COL17A1: variants seen among roughly 807,000 people sequenced by gnomAD.
The protein encoded by COL17A1 is collagen type XVII alpha 1 chain.
A neutral mutation model predicts 218.4 loss-of-function variants in COL17A1; 181 were observed. The ratio of observed to expected loss-of-function variants is 0.83; its 90% CI spans 0.73 to 0.94. The LOEUF is 0.94. COL17A1 is among the 40% of genes least tolerant of loss of function. The probability of loss-of-function intolerance (pLI) is 0.00; values close to 1 mark genes in which losing one functional copy is unlikely to be tolerated. For missense variants in COL17A1, 1,924 were observed against 1,945.9 expected (o/e 0.99, Z 0.21); for synonymous variants, 721 against 731.0 (o/e 0.99, Z 0.22).
In COL17A1 at chr10:104,034,650, A is replaced by C; in HGVS notation, c.3737T>G (p.Phe1246Cys). 6.2e-7 allele frequency: 1 copy of C among 1,610,328 alleles called. No homozygotes were observed. Among genetic ancestry groups the C allele is most frequent in the East Asian group, 2.2e-5 (1 of 44,718 alleles). Reference protein sequence around the residue: ...ATYAAENSDSFRSELISYLTS... With the variant: ...ATYAAENSDSCRSELISYLTS... ...GAGGTAGCTGATCAGCTCGCTCCGG[A>C]AGCTGTCGCTGTTTTCAGCTGCATA... Residue 1246 changes from phenylalanine to cysteine, a missense_variant, in exon 51 of 56, where the codon TTC (phenylalanine) becomes TGC (cysteine). Coordinates refer to ENST00000648076, the MANE Select transcript of COL17A1 (RefSeq NM_000494.4).
chr10:104,077,729 GTTT>G (rs2086724383), intron 3 of COL17A1, among the ~76,000 whole-genome samples: 1 of 79,348 alleles, frequency 1.3e-5, no homozygotes, highest in Non-Finnish European at 3.1e-5. Context: ...GTTTTGTTTT[GTTT>G]TGTTTTATAC....
intron 1 of COL17A1, among the ~76,000 whole-genome samples, chr10:104,081,846 C>T (rs2086767342): frequency 6.6e-6 from 1 of 152,156 alleles, no homozygotes; most frequent in South Asian, 2.1e-4. Flanking sequence ...CTTTTAACAT[C>T]AGAAGGAAAA....
In COL17A1 at chr10:104,034,683, A is replaced by C; in HGVS notation, c.3704T>G (p.Leu1235Arg). The C allele has an allele frequency of 6.2e-7, 1 of 1,610,346 alleles. No individual in the cohort carries two copies. Residue 1235 changes from leucine (L) to arginine (R), a missense_variant, in exon 51 of 56, where the codon CTG (leucine) becomes CGG (arginine). Physicochemically the swap from Leu to Arg is moderately radical, Grantham distance 102. Coordinates refer to ENST00000648076, the MANE Select transcript of COL17A1 (RefSeq NM_000494.4). ...PRGPPGVSGA[L>R]ATYAAENSDS... ...GCTGTTTTCAGCTGCATAGGTTGCC[A>C]GGGCTCCTGAGACACCCGGGGGCCC... is the stretch of plus-strand genomic sequence containing the variant.
rs1844692132 is a variant in COL17A1 at position 104,032,115 on chromosome 10, T to C, written c.*120A>G. The C allele has an allele frequency of 6.6e-6, 5 of 757,708 alleles. No homozygotes were observed. Among genetic ancestry groups the C allele is most frequent in the Middle Eastern group, 6.0e-4 (2 of 3,332 alleles). 46.9% of individuals were successfully genotyped at this position (757,708 alleles called of 1,614,324 possible). On this transcript the variant is annotated 3_prime_UTR_variant, in exon 56 of 56. Transcript: ENST00000648076. ...ACTAAAACAAATGTTGCTAGCTAGG[T>C]TGGCTGTGCTGTCTCAGTAGGACAT...
intron 24 of COL17A1, 84 bp downstream of exon 24, chr10:104,052,071 T>C: frequency 6.3e-7 from 1 of 1,588,330 alleles, no homozygotes; most frequent in East Asian, 2.2e-5. Context: ...CTGTCTGGGG[T>C]CCCAGGGCCT....
intron 45 of COL17A1, 34 bp from the exon 46 acceptor site, chr10:104,037,807 G>T (rs1238084202): frequency 6.2e-7 from 1 of 1,609,822 alleles, no homozygotes; most frequent in East Asian, 2.2e-5. Context: ...AGTCAAGCCT[G>T]TCCCAAGAGG....
At chr10:104,070,635 G>A (rs1269564942) in intron 8 of COL17A1, 66 bp from the exon 9 acceptor site, 1 of 1,612,818 alleles carries the variant, frequency 6.2e-7, no homozygotes, top group Non-Finnish European at 8.5e-7. Context: ...TGTGCAACTG[G>A]GGGGAACATT....
chr10:104,072,684 T>C (rs894263793), intron 7 of COL17A1, among the ~76,000 whole-genome samples: 3 of 152,204 alleles, frequency 2.0e-5, no homozygotes, highest in Admixed American at 2.0e-4. Context: ...AGCCCTAACA[T>C]GCTGCCCCCT....
Position 104,055,781 on chromosome 10 carries a change from C to T in COL17A1, c.1687+1G>A. The T allele has an allele frequency of 6.2e-7, 1 of 1,614,038 alleles. No homozygotes were observed. The highest frequency in any genetic ancestry group is 1.7e-5 in the Admixed American group (1 of 60,030). On this transcript the variant is annotated splice_donor_variant, in intron 18 of 55. Coordinates refer to ENST00000648076, the MANE Select transcript of COL17A1 (RefSeq NM_000494.4). LOFTEE classifies it high-confidence loss of function. ...GGCCCTGTGCCCGGCGATGCTCTCA[C>T]CATTTTCCTGTTCCATCATTAGCTT...
intron 13 of COL17A1, among the ~76,000 whole-genome samples, 168 bp downstream of exon 13, chr10:104,061,237 C>G (rs2086579615): frequency 6.6e-6 from 1 of 152,158 alleles, no homozygotes; most frequent in Non-Finnish European, 1.5e-5. Flanking sequence ...ATGGAAACAT[C>G]CAAGAGGCCT....
chr10:104,060,712 C>T (rs1482926843), intron 13 of COL17A1, among the ~76,000 whole-genome samples: 4 of 152,190 alleles, frequency 2.6e-5, no homozygotes, highest in Non-Finnish European at 4.4e-5. Flanking sequence ...CACCCTCATA[C>T]ACACACTCCT....
At chr10:104,038,568 C>A (rs769798930) in intron 44 of COL17A1, 40 bp from the exon 45 acceptor site, 22 of 1,604,022 alleles carry the variant, frequency 1.4e-5, no homozygotes, top group East Asian at 6.7e-5. Flanking sequence ...GTTTCTCCAC[C>A]CTAGGGTCAG....
intron 6 of COL17A1, among the ~76,000 whole-genome samples, chr10:104,073,470 T>C (rs2086684697): frequency 6.6e-6 from 1 of 152,138 alleles, no homozygotes; most frequent in Admixed American, 6.5e-5. Flanking sequence ...ATTAGCTAAA[T>C]GAATGTTAAG....
intron 1 of COL17A1, among the ~76,000 whole-genome samples, chr10:104,082,326 T>C (rs1401916177): frequency 6.6e-6 from 1 of 152,230 alleles, no homozygotes; most frequent in Admixed American, 6.5e-5. Context: ...ATAACCTATA[T>C]GACTTATGTC....
chr10:104,049,565 GC>G, intron 28 of COL17A1, 94 bp from the exon 29 acceptor site: 4 of 1,368,380 alleles, frequency 2.9e-6, no homozygotes, highest in Non-Finnish European at 3.1e-6. Flanking sequence ...GGTCAAGGAA[GC>G]AGCTTCTGCT....
Position 104,050,131 on chromosome 10 carries a change from C to T in COL17A1, c.2129-7G>A. The T allele has an allele frequency of 1.9e-6, 3 of 1,614,102 alleles. No individual in the cohort carries two copies. The highest frequency in any genetic ancestry group is 2.2e-5 in the East Asian group (1 of 44,878). On this transcript the variant is annotated splice_polypyrimidine_tract_variant and splice_region_variant and intron_variant, in intron 27 of 55. Transcript: ENST00000648076. Reference sequence around the variant, plus strand: ...CCTTTCTCACCCTGGTCACCTAAAGCAAACAAGGGGGAGGTGGAAAAAGCC... The same window carrying T: ...CCTTTCTCACCCTGGTCACCTAAAGTAAACAAGGGGGAGGTGGAAAAAGCC...
At chr10:104,056,364 C>T (rs759887278) in intron 17 of COL17A1, among the ~76,000 whole-genome samples, 19 of 152,036 alleles carry the variant, frequency 1.2e-4, no homozygotes, top group Non-Finnish European at 2.1e-4. Context: ...GGGCAGATCA[C>T]GGGGTCAGGA....
At chr10:104,048,266 C>T in intron 29 of COL17A1, 162 bp from the exon 30 acceptor site, 1 of 787,652 alleles carries the variant, frequency 1.3e-6, no homozygotes, top group South Asian at 1.4e-5. Context: ...ATACGGTACT[C>T]CCACTGCCCC....
intron 9 of COL17A1, among the ~76,000 whole-genome samples, chr10:104,066,303 G>A (rs747652120): frequency 2.6e-5 from 4 of 152,282 alleles, no homozygotes; most frequent in South Asian, 4.1e-4. Context: ...CTCCCAAATA[G>A]TCCATTAAGG....
Sources: gnomAD v4.1 joint callset for allele counts (sites outside exome capture counted in the v4.1 genomes callset) on GRCh38, gnomAD v4.1.1 for gene constraint, MANE v1.5 for transcripts, NCBI Gene and HGNC (gene_info 2026-07-23, HGNC 2026-07-21) for gene names.